The following PSMA1 variants were observed in gnomAD, a reference collection of about 807,000 sequenced individuals.
PSMA1 encodes the protein proteasome subunit alpha type-1.
Under a neutral mutation model 38.4 loss-of-function variants are expected in PSMA1, and 3 were observed. The ratio of observed to expected loss-of-function variants is 0.08; its 90% confidence interval spans 0.04 to 0.20. The LOEUF (loss-of-function observed/expected upper bound fraction) is 0.20. Among genes scored for constraint, PSMA1 ranks in the 10% least tolerant of loss-of-function variants. The probability of loss-of-function intolerance (pLI) is 1.00; values close to 1 mark genes in which losing one functional copy is unlikely to be tolerated. For synonymous variants in PSMA1, 101 were observed against 107.1 expected, an observed-to-expected ratio of 0.94 and a Z score of 0.35; for missense variants, 227 against 325.3, an observed-to-expected ratio of 0.70 and a Z score of 2.32.
intron 2 of PSMA1, among the ~76,000 whole-genome samples, chr11:14,586,216 G>C (rs573104738): frequency 6.6e-6 from 1 of 152,296 alleles, no homozygotes; most frequent in East Asian, 1.9e-4. Context: ...AGGACTACTT[G>C]AGGCCAGGAA....
At chr11:14,586,993 C>G (rs931369914) in intron 2 of PSMA1, among the ~76,000 whole-genome samples, 1 of 152,158 alleles carries the variant, frequency 6.6e-6, no homozygotes, top group African/African-American at 2.4e-5. Flanking sequence ...ATCTCCTGAC[C>G]TCGTGATCCG....
upstream of PSMA1, among the ~76,000 whole-genome samples, chr11:14,521,261 C>G (rs1375587185): frequency 7.3e-6 from 1 of 136,282 alleles, no homozygotes; most frequent in East Asian, 2.1e-4. Flanking sequence ...AGTTTGAGAT[C>G]ACTATATTAT....
intron 2 of PSMA1, among the ~76,000 whole-genome samples, chr11:14,551,248 T>C (rs890530443): frequency 1.3e-5 from 2 of 152,196 alleles, no homozygotes; most frequent in Non-Finnish European, 2.9e-5. Flanking sequence ...TCTAATATAA[T>C]TTGTTTTATA....
intron 2 of PSMA1, among the ~76,000 whole-genome samples, chr11:14,540,568 G>A (rs1238088491): frequency 2.0e-5 from 3 of 152,038 alleles, no homozygotes; most frequent in Non-Finnish European, 4.4e-5. Context: ...ATTGCAATTG[G>A]GTTTTCACAC....
rs1039085956 is a variant in PSMA1 at position 14,631,079 on chromosome 11, G to A, written c.-166+12376C>T. Among the ~76,000 whole-genome samples, 125 of 151,854 alleles carry A rather than the reference G, an allele frequency of 8.2e-4. 2 individuals are homozygous for A. The highest frequency in any genetic ancestry group is 2.4e-3 in the Admixed American group (37 of 15,260). On this transcript the variant is annotated intron_variant, in intron 1 of 10. Coordinates refer to the PSMA1 transcript ENST00000418988. Reference sequence around the variant, plus strand: ...CTTTTTTTCTTTATTAGTCTTGCTAGCGGTCTATGAATTTTGTTGATCCTT... The same window carrying A: ...CTTTTTTTCTTTATTAGTCTTGCTAACGGTCTATGAATTTTGTTGATCCTT...
chr11:14,515,977 C>T (rs1013388745), intron 4 of PSMA1, among the ~76,000 whole-genome samples: 14 of 151,028 alleles, frequency 9.3e-5, no homozygotes, highest in Non-Finnish European at 1.2e-4. Flanking sequence ...TTTGGGAGGC[C>T]GAGGCAGGTG....
rs903700604 is a variant in PSMA1 at position 14,642,393 on chromosome 11, C to T, written c.-166+1062G>A. On this transcript the variant is annotated intron_variant, in intron 1 of 10. Coordinates refer to the PSMA1 transcript ENST00000418988. ...CCTTTTGAATTTTTATCTTTTAGGA[C>T]AAGCATTTGGGTAATACATTAGAAA... is the stretch of plus-strand genomic sequence containing the variant. Among the ~76,000 whole-genome samples, 13 of 152,058 alleles carry T rather than the reference C, an allele frequency of 8.5e-5. No homozygotes were observed. In the East Asian group the frequency reaches 2.5e-3, roughly 29 times the overall value.
At chr11:14,614,805 G>T (rs746322129) in intron 1 of PSMA1, among the ~76,000 whole-genome samples, 7 of 152,172 alleles carry the variant, frequency 4.6e-5, no homozygotes, top group African/African-American at 7.2e-5. Context: ...CTATGGCAAA[G>T]ATCCCCAAAA....
intron 1 of PSMA1, among the ~76,000 whole-genome samples, chr11:14,634,232 G>A (rs941631777): frequency 1.3e-4 from 20 of 152,122 alleles, no homozygotes; most frequent in African/African-American, 4.1e-4. Flanking sequence ...AAAACCAGTC[G>A]TTGGTGCCAA....
intron 1 of PSMA1, among the ~76,000 whole-genome samples, chr11:14,614,951 C>T (rs1437829044): frequency 6.6e-6 from 1 of 152,206 alleles, no homozygotes; most frequent in African/African-American, 2.4e-5. Context: ...TCATTAACTA[C>T]AGGATCGAGT....
At chr11:14,537,880 T>G (rs993216061) in intron 2 of PSMA1, among the ~76,000 whole-genome samples, 19 of 152,114 alleles carry the variant, frequency 1.2e-4, no homozygotes, top group Admixed American at 4.6e-4. Flanking sequence ...GGCTAACTTT[T>G]GTATTTTTAG....
Position 14,505,219 on chromosome 11 carries a change from T to C in PSMA1, c.765A>G (p.Glu255=). Residue 255 remains glutamate (E), a synonymous_variant, in exon 10 of 10, where the codon GAA becomes GAG. Coordinates refer to ENST00000396394, the MANE Select transcript of PSMA1 (RefSeq NM_002786.4). Reference sequence around the variant, plus strand: ...AATGTTCCATTGGTTCATCAGCCTTTTCTGCAGGTTCATCAGCAGGTTGAG... The same window carrying C: ...AATGTTCCATTGGTTCATCAGCCTTCTCTGCAGGTTCATCAGCAGGTTGAG... The part of the protein sequence containing the change: ...QPAQPADEPA[E]KADEPMEH The C allele has an allele frequency of 1.2e-6, 2 of 1,613,840 alleles. No individual in the cohort carries two copies. The highest frequency in any genetic ancestry group is 2.2e-5 in the South Asian group (2 of 91,076).
chr11:14,625,537 A>G (rs1266859786), intron 1 of PSMA1, among the ~76,000 whole-genome samples: 1 of 152,214 alleles, frequency 6.6e-6, no homozygotes, highest in East Asian at 1.9e-4. Context: ...CCCCTGTTTC[A>G]GTACTGAGGC....
intron 2 of PSMA1, among the ~76,000 whole-genome samples, chr11:14,559,739 G>C (rs1851987771): frequency 6.6e-6 from 1 of 152,212 alleles, no homozygotes; most frequent in South Asian, 2.1e-4. Flanking sequence ...CAAATGCTTA[G>C]AGCTTTAAGT....
At position 14,599,537 on chromosome 11, in the gene PSMA1, T is replaced by C. The variant is rs189020585; in HGVS notation, c.21+11429A>G. ...TCTTCCACTTGATCACATTGGCTAT[T>C]GAAGCTTGTGCATGCATCACGAAGT... On this transcript the variant is annotated intron_variant, in intron 2 of 10. Coordinates refer to the PSMA1 transcript ENST00000418988. Among the ~76,000 whole-genome samples the C allele has an allele frequency of 3.3e-3, 501 of 152,350 alleles. 6 individuals carry two copies. The highest frequency in any genetic ancestry group is 0.011 in the African/African-American group (467 of 41,590).
In PSMA1 at chr11:14,593,613, T is replaced by TGAGAGAGAGAGA. The variant is rs59225796; in HGVS notation, c.21+17341_21+17352dup. Among the ~76,000 whole-genome samples the TGAGAGAGAGAGA allele has an allele frequency of 1.6e-3, 159 of 98,982 alleles. 2 individuals carry two copies. Among genetic ancestry groups the TGAGAGAGAGAGA allele is most frequent in the Non-Finnish European group, 2.4e-3 (117 of 49,644 alleles). 64.9% of individuals were successfully genotyped at this position (98,982 alleles called of 152,430 possible). On this transcript the variant is annotated intron_variant, in intron 2 of 10. Transcript: ENST00000418988. ...AAAGAAAGTAATAGAGGAGGAAAAA[T>TGAGAGAGAGAGA]GAGAGAGAGAGAGAGAGAGAGAGAG...
At chr11:14,570,481 A>G (rs1477488213) in intron 2 of PSMA1, among the ~76,000 whole-genome samples, 2 of 152,212 alleles carry the variant, frequency 1.3e-5, no homozygotes, top group Non-Finnish European at 2.9e-5. Flanking sequence ...AAAATTAGAC[A>G]AATGGCCAAC....
chr11:14,570,276 A>C (rs775091412), intron 2 of PSMA1, among the ~76,000 whole-genome samples: 28 of 152,234 alleles, frequency 1.8e-4, no homozygotes, highest in Non-Finnish European at 3.5e-4. Context: ...AGCAGAAAAG[A>C]TGAAAATTCT....
At chr11:14,631,044 A>G (rs1852999299) in intron 1 of PSMA1, among the ~76,000 whole-genome samples, 2 of 151,568 alleles carry the variant, frequency 1.3e-5, no homozygotes, top group Admixed American at 1.3e-4. Context: ...CGTCTATTTG[A>G]TTCTTCTCTC....
Sources: gnomAD v4.1 joint callset for allele counts (sites outside exome capture counted in the v4.1 genomes callset) on GRCh38, gnomAD v4.1.1 for gene constraint, MANE v1.5 for transcripts, NCBI Gene and HGNC (gene_info 2026-07-23, HGNC 2026-07-21) for gene names.